LAPTM4B: variants seen among roughly 807,000 people sequenced by gnomAD.
The protein encoded by LAPTM4B is lysosomal-associated transmembrane protein 4B.
A neutral mutation model predicts 28.5 loss-of-function variants in LAPTM4B; 26 were observed. The observed-to-expected ratio is 0.91, with a 90% CI of 0.67 to 1.27. The LOEUF (loss-of-function observed/expected upper bound fraction) is 1.27. Among genes scored for constraint, LAPTM4B ranks in the 50% most tolerant of loss-of-function variants. The pLI, the probability that LAPTM4B is intolerant of heterozygous loss-of-function variation, is 0.00. For missense variants in LAPTM4B, 288 were observed against 285.8 expected (o/e 1.01, Z -0.06); for synonymous variants, 109 against 106.4 (o/e 1.02, Z -0.15).
chr8:97,815,202 G>A, intron 2 of LAPTM4B, 126 bp from the exon 3 acceptor site: 1 of 699,520 alleles, frequency 1.4e-6, no homozygotes, highest in Non-Finnish European at 2.5e-6. Context: ...TAATCTCTTA[G>A]TATAAAGTAT....
At chr8:97,821,334 A>AT (rs398112785) in intron 5 of LAPTM4B, among the ~76,000 whole-genome samples, 1 of 151,528 alleles carries the variant, frequency 6.6e-6, no homozygotes, top group Non-Finnish European at 1.5e-5. Flanking sequence ...TCAAAAAAAA[A>AT]TAGTGAAATG....
intron 6 of LAPTM4B, among the ~76,000 whole-genome samples, chr8:97,836,214 G>A (rs369707966): frequency 2.0e-5 from 3 of 151,896 alleles, no homozygotes; most frequent in Admixed American, 1.3e-4. Context: ...TTTGAGTCTC[G>A]CTCTGTCAGG....
intron 6 of LAPTM4B, among the ~76,000 whole-genome samples, chr8:97,846,556 A>G (rs1283681582): frequency 6.6e-6 from 1 of 152,126 alleles, no homozygotes; most frequent in Non-Finnish European, 1.5e-5. Flanking sequence ...TGAACTCTCG[A>G]CCTCAGGTGA....
At chr8:97,784,780 T>G (rs1392050496) in intron 1 of LAPTM4B, among the ~76,000 whole-genome samples, 3 of 152,148 alleles carry the variant, frequency 2.0e-5, no homozygotes, top group Admixed American at 6.5e-5. Context: ...GCAGGCTGTT[T>G]CAGATGGCTG....
At chr8:97,833,718 C>T (rs892291017) in intron 6 of LAPTM4B, among the ~76,000 whole-genome samples, 4 of 152,046 alleles carry the variant, frequency 2.6e-5, no homozygotes, top group African/African-American at 7.2e-5. Flanking sequence ...TCATAGGTGA[C>T]GATTTTTTCT....
intron 1 of LAPTM4B, among the ~76,000 whole-genome samples, chr8:97,785,230 C>A (rs969377103): frequency 1.3e-5 from 2 of 151,982 alleles, no homozygotes; most frequent in Non-Finnish European, 2.9e-5. Flanking sequence ...GGATTACAGG[C>A]GCAGGCCACC....
At chr8:97,820,407 A>G (rs1453905802) in intron 5 of LAPTM4B, among the ~76,000 whole-genome samples, 1 of 149,070 alleles carries the variant, frequency 6.7e-6, no homozygotes, top group Non-Finnish European at 1.5e-5. Context: ...CACTGCACCC[A>G]GCATACTTTG....
Position 97,809,544 on chromosome 8 carries a change from A to G in LAPTM4B, c.211+4080A>G, listed in dbSNP as rs375151822. On this transcript the variant is annotated intron_variant, in intron 2 of 6. Transcript: ENST00000521545. Reference sequence around the variant, plus strand: ...GCAAAACCCTGTCTCAACCAAAAATATAAAAATTAGTCGGGTGTGATGGTG... The same window carrying G: ...GCAAAACCCTGTCTCAACCAAAAATGTAAAAATTAGTCGGGTGTGATGGTG... Among the ~76,000 whole-genome samples, 104 of 152,232 alleles carry G rather than the reference A, an allele frequency of 6.8e-4. 1 individual carries two copies. The South Asian group carries it at 0.021, about 31-fold the overall frequency.
chr8:97,834,868 TA>T (rs1204737567), intron 6 of LAPTM4B, among the ~76,000 whole-genome samples: 1 of 152,234 alleles, frequency 6.6e-6, no homozygotes, highest in Non-Finnish European at 1.5e-5. Context: ...CTGGAGACCA[TA>T]ATCTGGATTT....
intron 1 of LAPTM4B, among the ~76,000 whole-genome samples, chr8:97,782,950 T>TTTATTTATTTATTTA (rs1563599721): frequency 3.0e-5 from 2 of 67,402 alleles, no homozygotes; most frequent in African/African-American, 4.8e-5. Context: ...TTATTTATTT[T>TTTATTTATTTATTTA]TTAGTAGAGA....
At chr8:97,785,850 T>A (rs1311232556) in intron 1 of LAPTM4B, among the ~76,000 whole-genome samples, 1 of 152,186 alleles carries the variant, frequency 6.6e-6, no homozygotes, top group East Asian at 1.9e-4. Flanking sequence ...TGCTGTATCG[T>A]TTTAATGTCT....
At chr8:97,841,668 G>A (rs1465086511) in intron 6 of LAPTM4B, among the ~76,000 whole-genome samples, 3 of 152,112 alleles carry the variant, frequency 2.0e-5, no homozygotes, top group Admixed American at 2.0e-4. Context: ...CTGATTATTC[G>A]ATCCCAAATG....
At chr8:97,780,517 CT>C (rs1287418456) in intron 1 of LAPTM4B, among the ~76,000 whole-genome samples, 1 of 152,102 alleles carries the variant, frequency 6.6e-6, no homozygotes, top group East Asian at 1.9e-4. Flanking sequence ...TAAAGTGGAT[CT>C]TTTTTATATG....
intron 1 of LAPTM4B, among the ~76,000 whole-genome samples, chr8:97,797,738 T>C (rs554851692): frequency 6.6e-6 from 1 of 152,336 alleles, no homozygotes; most frequent in East Asian, 1.9e-4. Flanking sequence ...AATTACATTT[T>C]CAGTTGTTTA....
chr8:97,808,492 C>A (rs1192057951), intron 2 of LAPTM4B, among the ~76,000 whole-genome samples: 2 of 151,920 alleles, frequency 1.3e-5, no homozygotes, highest in Non-Finnish European at 2.9e-5. Context: ...GATTACTAAT[C>A]CTGTCCACAC....
intron 1 of LAPTM4B, among the ~76,000 whole-genome samples, chr8:97,781,335 A>C (rs1172432052): frequency 8.0e-6 from 1 of 124,516 alleles, no homozygotes; most frequent in Non-Finnish European, 1.6e-5. Context: ...GCCGAAGTGC[A>C]GTGGTGCAAT....
intron 6 of LAPTM4B, among the ~76,000 whole-genome samples, chr8:97,828,693 G>A (rs926763897): frequency 3.3e-5 from 5 of 152,188 alleles, no homozygotes; most frequent in African/African-American, 1.2e-4. Flanking sequence ...GATTTTGGAG[G>A]ACAACTGCGG....
At chr8:97,826,260 G>A (rs1817089162) in intron 6 of LAPTM4B, among the ~76,000 whole-genome samples, 1 of 152,120 alleles carries the variant, frequency 6.6e-6, no homozygotes, top group African/African-American at 2.4e-5. Flanking sequence ...ATATGCATGA[G>A]CAGTGGTTTA....
At chr8:97,784,776 T>TG (rs1318650522) in intron 1 of LAPTM4B, among the ~76,000 whole-genome samples, 4 of 152,020 alleles carry the variant, frequency 2.6e-5, no homozygotes, top group Non-Finnish European at 2.9e-5. Flanking sequence ...AATGGCAGGC[T>TG]GTTTCAGATG....
Sources: allele counts gnomAD v4.1 joint callset (sites outside exome capture counted in the v4.1 genomes callset), GRCh38; gene constraint gnomAD v4.1.1; transcripts MANE v1.5; gene names NCBI Gene and HGNC (gene_info 2026-07-23, HGNC 2026-07-21).